Variants in TEX9 observed in about 807,000 individuals in gnomAD.
TEX9 encodes the protein testis-expressed protein 9.
TEX9 carries 74 observed loss-of-function variants against 59.6 expected under a neutral mutation model. That is an observed-to-expected ratio of 1.24 (90% CI 1.03 to 1.51). TEX9 has a LOEUF of 1.51. Ranked by LOEUF, TEX9 falls within the 40% of genes most tolerant of loss-of-function variation. TEX9 has a pLI of 0.00. For synonymous variants in TEX9, 186 were observed against 152.2 expected (o/e 1.22, Z -1.64); for missense variants, 522 against 447.8 (o/e 1.17, Z -1.49).
At chr15:56,354,635 T>G (rs1430093117) in intron 1 of TEX9, among the ~76,000 whole-genome samples, 1 of 152,196 alleles carries the variant, frequency 6.6e-6, no homozygotes, top group Non-Finnish European at 1.5e-5. Context: ...AGATGTACAT[T>G]TTTTTCACAT....
chr15:56,394,412 C>A, intron 8 of TEX9, 165 bp downstream of exon 8: 1 of 655,520 alleles, frequency 1.5e-6, no homozygotes, highest in East Asian at 3.0e-5. Context: ...GTTGAATTTT[C>A]ACAGAGCTGA....
chr15:56,449,468 T>C (rs1464411701), downstream of TEX9, among the ~76,000 whole-genome samples: 2 of 152,206 alleles, frequency 1.3e-5, no homozygotes, highest in Non-Finnish European at 2.9e-5. Context: ...GTCAGGATGA[T>C]TTATCTTTCT....
At chr15:56,378,056 C>T (rs1381902372) in intron 3 of TEX9, among the ~76,000 whole-genome samples, 6 of 152,066 alleles carry the variant, frequency 3.9e-5, no homozygotes, top group Non-Finnish European at 7.4e-5. Flanking sequence ...TCCTTGCATC[C>T]CTGGGGTAAA....
At chr15:56,338,167 C>T (rs1168414044) in intron 1 of TEX9, among the ~76,000 whole-genome samples, 2 of 152,234 alleles carry the variant, frequency 1.3e-5, no homozygotes, top group East Asian at 3.8e-4. Context: ...AGCATTTCCT[C>T]TCTGCAAACT....
At chr15:56,290,328 C>T (rs1238440295) in intron 1 of TEX9, among the ~76,000 whole-genome samples, 1 of 152,152 alleles carries the variant, frequency 6.6e-6, no homozygotes, top group Non-Finnish European at 1.5e-5. Context: ...CTCTGTAGAA[C>T]AGGCTGCTAG....
At chr15:56,429,808 C>G (rs1198687230) in intron 12 of TEX9, 6 of 152,136 alleles carry the variant, frequency 3.9e-5, no homozygotes, top group African/African-American at 1.4e-4. Context: ...TCATTTGGCA[C>G]CATTAGGACC....
At chr15:56,308,195 G>A (rs1165117452) in intron 1 of TEX9, among the ~76,000 whole-genome samples, 1 of 152,172 alleles carries the variant, frequency 6.6e-6, no homozygotes. Context: ...TACCAGCAGT[G>A]TATAAGGGTT....
chr15:56,392,666 T>C (rs2048273013), intron 7 of TEX9, among the ~76,000 whole-genome samples: 1 of 152,162 alleles, frequency 6.6e-6, no homozygotes, highest in African/African-American at 2.4e-5. Flanking sequence ...TAATCACAAG[T>C]AGGGAGCAGT....
At chr15:56,456,168 C>T in the TEX9 span, among the ~76,000 whole-genome samples, 4 of 152,026 alleles carry the variant, frequency 2.6e-5, no homozygotes, top group African/African-American at 9.7e-5. Context: ...AAGGAAAGAG[C>T]AGGGGGACTG....
intron 2 of TEX9, among the ~76,000 whole-genome samples, chr15:56,368,758 C>T (rs1244241353): frequency 6.6e-6 from 1 of 152,120 alleles, no homozygotes; most frequent in Non-Finnish European, 1.5e-5. Flanking sequence ...TACACCCCTC[C>T]TTTTGGTAGC....
chr15:56,316,160 C>T (rs1432264866), intron 1 of TEX9, among the ~76,000 whole-genome samples: 2 of 144,950 alleles, frequency 1.4e-5, no homozygotes, highest in Non-Finnish European at 3.1e-5. Context: ...TCGTCAAAGT[C>T]ATTCTCCATC....
At chr15:56,343,158 AAAG>A (rs1438723443) in intron 1 of TEX9, among the ~76,000 whole-genome samples, 8 of 152,174 alleles carry the variant, frequency 5.3e-5, no homozygotes, top group Admixed American at 5.2e-4. Context: ...TTCATAGATC[AAAG>A]AAGAAGTTAC....
intron 3 of TEX9, among the ~76,000 whole-genome samples, chr15:56,375,011 G>T (rs1381251047): frequency 6.6e-6 from 1 of 152,122 alleles, no homozygotes; most frequent in African/African-American, 2.4e-5. Flanking sequence ...AACAAACATG[G>T]AAGTGCAGAT....
In TEX9 at chr15:56,382,756, C is replaced by T. The variant is rs548147871; in HGVS notation, c.184-1196C>T. On this transcript the variant is annotated intron_variant, in intron 3 of 12. Transcript: ENST00000352903. ...TGGTATCCGAGATGCAAGATAACATCCTCTTTACTTTTTGTTCTCCTCTCC... is the reference window on the plus strand; with the variant it reads ...TGGTATCCGAGATGCAAGATAACATTCTCTTTACTTTTTGTTCTCCTCTCC... Among the ~76,000 whole-genome samples, 11 of 152,238 alleles carry T rather than the reference C, an allele frequency of 7.2e-5. No homozygotes were observed. In the East Asian group the frequency reaches 1.9e-3, roughly 27 times the overall value.
At chr15:56,312,453 G>A (rs1487638863) in intron 1 of TEX9, among the ~76,000 whole-genome samples, 20 of 146,532 alleles carry the variant, frequency 1.4e-4, no homozygotes, top group African/African-American at 4.6e-4. Flanking sequence ...TCAGATAGTT[G>A]TAGATATGCG....
At chr15:56,421,543 A>C (rs1380164996) in intron 10 of TEX9, 1 of 151,666 alleles carries the variant, frequency 6.6e-6, no homozygotes, top group Non-Finnish European at 1.5e-5. Context: ...TCGTGTTAGC[A>C]TTGTCTTGTC....
intron 1 of TEX9, among the ~76,000 whole-genome samples, chr15:56,276,380 C>A (rs1386071525): frequency 1.3e-5 from 2 of 152,114 alleles, no homozygotes; most frequent in East Asian, 3.9e-4. Context: ...CTCCCTGTGT[C>A]CATGTGTTCT....
At chr15:56,276,222 T>C (rs1369992934) in intron 1 of TEX9, among the ~76,000 whole-genome samples, 1 of 152,154 alleles carries the variant, frequency 6.6e-6, no homozygotes, top group Non-Finnish European at 1.5e-5. Flanking sequence ...GCAGGTTTGT[T>C]ACATAGGTAT....
intron 1 of TEX9, among the ~76,000 whole-genome samples, chr15:56,355,453 G>C (rs1426066): frequency 0.12 from 18,393 of 150,372 alleles, 1,501 homozygotes; most frequent in East Asian, 0.38. Flanking sequence ...CATCTGGACT[G>C]TCTCTTCTTT....
Sources: gnomAD v4.1 joint callset for allele counts (sites outside exome capture counted in the v4.1 genomes callset) on GRCh38, gnomAD v4.1.1 for gene constraint, MANE v1.5 for transcripts, NCBI Gene and HGNC (gene_info 2026-07-23, HGNC 2026-07-21) for gene names.